The following AUTS2 variants were observed in gnomAD, a reference collection of about 807,000 sequenced individuals.
AUTS2 encodes the protein activator of transcription and developmental regulator AUTS2, also known as autism susceptibility gene 2 protein.
In AUTS2, 17 loss-of-function variants were observed where a neutral mutation model predicts 112.4. The observed-to-expected ratio is 0.15, with a 90% CI of 0.10 to 0.23. The LOEUF (loss-of-function observed/expected upper bound fraction) is 0.23. Among genes scored for constraint, AUTS2 ranks in the 10% least tolerant of loss-of-function variants. The pLI, the probability that AUTS2 is intolerant of heterozygous loss-of-function variation, is 1.00. For synonymous variants in AUTS2, 751 were observed against 702.7 expected (o/e 1.07, Z -1.09); for missense variants, 1,510 against 1,701.6 (o/e 0.89, Z 1.98).
In AUTS2 at chr7:69,803,416, C is replaced by G. The variant is rs1273073325; in HGVS notation, c.310-95870C>G. ...AACAAAACTCACTGGGTTTGCTTCT[C>G]TATAATGATGTTGGATTGCTTTGCT... On this transcript the variant is annotated intron_variant, in intron 1 of 18. Coordinates refer to ENST00000342771, the MANE Select transcript of AUTS2 (RefSeq NM_015570.4). Among the ~76,000 whole-genome samples the G allele has an allele frequency of 5.3e-5, 8 of 151,982 alleles. No homozygotes were observed. In the East Asian group the frequency reaches 1.2e-3, roughly 22 times the overall value.
chr7:69,771,240 G>A (rs1161297652), intron 1 of AUTS2, among the ~76,000 whole-genome samples: 2 of 152,190 alleles, frequency 1.3e-5, no homozygotes, highest in Admixed American at 1.3e-4. Flanking sequence ...TGGATAATTT[G>A]CCTTTCCATT....
chr7:69,946,133 T>C (rs1000715075), intron 2 of AUTS2, among the ~76,000 whole-genome samples: 3 of 152,180 alleles, frequency 2.0e-5, no homozygotes, highest in African/African-American at 7.2e-5. Context: ...AGGCGTGAGC[T>C]ACCACACACA....
chr7:69,959,558 A>T (rs148749352), intron 2 of AUTS2, among the ~76,000 whole-genome samples: 1 of 152,204 alleles, frequency 6.6e-6, no homozygotes, highest in Non-Finnish European at 1.5e-5. Context: ...GGACTTTGTT[A>T]TCACCTAGGA....
chr7:69,912,173 C>G (rs572921169), intron 2 of AUTS2, among the ~76,000 whole-genome samples: 17 of 152,338 alleles, frequency 1.1e-4, no homozygotes, highest in Non-Finnish European at 7.3e-5. Flanking sequence ...CAGGCTTAGC[C>G]TCAATTTTCC....
chr7:70,095,015 G>C (rs141815963), intron 2 of AUTS2, among the ~76,000 whole-genome samples: 1 of 152,130 alleles, frequency 6.6e-6, no homozygotes, highest in Admixed American at 6.5e-5. Context: ...TACCAAGCCC[G>C]CAGGGAGATC....
At chr7:70,521,361 C>T (rs997777878) in intron 5 of AUTS2, among the ~76,000 whole-genome samples, 3 of 152,110 alleles carry the variant, frequency 2.0e-5, no homozygotes, top group Non-Finnish European at 2.9e-5. Flanking sequence ...ATGTGAATAC[C>T]TTTCTGGCAC....
In AUTS2 at chr7:69,692,780, G is replaced by A. The variant is rs73436196; in HGVS notation, c.309+92818G>A. 5.1e-3 allele frequency among the ~76,000 whole-genome samples: 775 copies of A among 152,242 alleles called. 8 individuals carry two copies. Among genetic ancestry groups the A allele is most frequent in the African/African-American group, 0.018 (731 of 41,544 alleles). On this transcript the variant is annotated intron_variant, in intron 1 of 18. Coordinates refer to ENST00000342771, the MANE Select transcript of AUTS2 (RefSeq NM_015570.4). ...CTTCTAACAACCCATTTGTTTAGGG[G>A]GTTTTATGCTGCTTAGAGTGAGCTG... is the stretch of plus-strand genomic sequence containing the variant.
rs990301534 is a variant in AUTS2, at chr7:69,948,024, G to A, written c.522+48526G>A. Among the ~76,000 whole-genome samples the A allele has an allele frequency of 7.2e-5, 11 of 152,104 alleles. 1 individual carries two copies. Among genetic ancestry groups the A allele is most frequent in the Admixed American group, 6.6e-4 (10 of 15,262 alleles). Reference sequence around the variant, plus strand: ...AGTTTTTACTCTGTTATTATTTCGCGAAGTCCTATGTCTACATACACATCA... The same window carrying A: ...AGTTTTTACTCTGTTATTATTTCGCAAAGTCCTATGTCTACATACACATCA... On this transcript the variant is annotated intron_variant, in intron 2 of 18. Coordinates refer to ENST00000342771, the MANE Select transcript of AUTS2 (RefSeq NM_015570.4).
At chr7:70,234,916 G>A (rs747623078) in intron 4 of AUTS2, among the ~76,000 whole-genome samples, 1 of 152,136 alleles carries the variant, frequency 6.6e-6, no homozygotes, top group African/African-American at 2.4e-5. Context: ...TCCTTAATGA[G>A]ATGGGCTTAT....
At chr7:69,928,773 G>A (rs1796123932) in intron 2 of AUTS2, among the ~76,000 whole-genome samples, 1 of 152,118 alleles carries the variant, frequency 6.6e-6, no homozygotes. Context: ...GGCAGCTGCA[G>A]CTGCAGCTGC....
At chr7:69,949,424 A>G (rs907896398) in intron 2 of AUTS2, among the ~76,000 whole-genome samples, 2 of 152,182 alleles carry the variant, frequency 1.3e-5, no homozygotes, top group Admixed American at 6.6e-5. Context: ...CCACATTTTT[A>G]TAGATAAGGT....
intron 4 of AUTS2, chr7:70,292,860 A>G (rs773303234): frequency 6.6e-6 from 1 of 152,186 alleles, no homozygotes; most frequent in Admixed American, 6.5e-5. Flanking sequence ...GCAGCTTTCT[A>G]TTAACAGTAT....
intron 1 of AUTS2, among the ~76,000 whole-genome samples, chr7:69,723,338 TG>T (rs1186153037): frequency 6.6e-6 from 1 of 152,162 alleles, no homozygotes; most frequent in East Asian, 1.9e-4. Flanking sequence ...AAGAAATGTA[TG>T]TTTTATAAGG....
rs1805260580 is a variant in AUTS2 at position 70,114,596 on chromosome 7, C to T, written c.523-3536C>T. Among the ~76,000 whole-genome samples, 7 of 152,104 alleles carry T rather than the reference C, an allele frequency of 4.6e-5. No individual in the cohort carries two copies. In the South Asian group the frequency reaches 1.5e-3, roughly 32 times the overall value. ...TCACCTGAGGTTGGGGGTTTGAAACCAACCTGACCAACATGGAGAAACCCC... is the reference window on the plus strand; with the variant it reads ...TCACCTGAGGTTGGGGGTTTGAAACTAACCTGACCAACATGGAGAAACCCC... On this transcript the variant is annotated intron_variant, in intron 2 of 18. Transcript: ENST00000342771.
At chr7:69,983,533 T>TGA (rs1359200641) in intron 2 of AUTS2, among the ~76,000 whole-genome samples, 2 of 151,118 alleles carry the variant, frequency 1.3e-5, no homozygotes, top group African/African-American at 4.9e-5. Context: ...TGTGTGTGTG[T>TGA]GAAGGTTATG....
At chr7:70,783,398 C>T (rs534380895) in intron 15 of AUTS2, 2 of 149,428 alleles carry the variant, frequency 1.3e-5, no homozygotes, top group East Asian at 3.9e-4. Flanking sequence ...GTGGCTTCCT[C>T]TCCAAACCCA....
At chr7:69,923,936 G>C (rs777595195) in intron 2 of AUTS2, among the ~76,000 whole-genome samples, 1 of 152,066 alleles carries the variant, frequency 6.6e-6, no homozygotes, top group African/African-American at 2.4e-5. Flanking sequence ...TATCTTCTCT[G>C]TCTTTTTCTT....
chr7:70,563,236 T>G (rs1801563262), intron 5 of AUTS2, among the ~76,000 whole-genome samples: 2 of 152,270 alleles, frequency 1.3e-5, no homozygotes, highest in Middle Eastern at 3.4e-3. Flanking sequence ...CTGGTATAAC[T>G]GGGGGTCCTC....
chr7:70,690,961 T>C (rs1209977184), intron 5 of AUTS2, among the ~76,000 whole-genome samples: 1 of 152,202 alleles, frequency 6.6e-6, no homozygotes, highest in Non-Finnish European at 1.5e-5. Flanking sequence ...ACCTTGTCTC[T>C]TAAATAAGTT....
Sources: allele counts gnomAD v4.1 joint callset (sites outside exome capture counted in the v4.1 genomes callset), GRCh38; gene constraint gnomAD v4.1.1; transcripts MANE v1.5; gene names NCBI Gene and HGNC (gene_info 2026-07-23, HGNC 2026-07-21).